Variants in AK4 observed in about 807,000 individuals in gnomAD.
The protein encoded by AK4 is adenylate kinase 4, also known as adenylate kinase 4, mitochondrial.
Under a neutral mutation model 24.6 loss-of-function variants are expected in AK4, and 13 were observed. The ratio of observed to expected loss-of-function variants is 0.53; its 90% CI spans 0.34 to 0.84. AK4 has a LOEUF of 0.84. AK4 is among the 40% of genes least tolerant of loss of function. AK4 has a pLI of 0.01. For missense variants in AK4, 192 were observed against 288.2 expected (o/e 0.67, Z 2.42); for synonymous variants, 88 against 107.0 (o/e 0.82, Z 1.10).
intron 4 of AK4, among the ~76,000 whole-genome samples, chr1:65,225,688 T>C (rs1307223476): frequency 6.6e-6 from 1 of 152,206 alleles, no homozygotes; most frequent in African/African-American, 2.4e-5. Flanking sequence ...GATCATATTA[T>C]TATGATACAT....
rs570313332 is a variant in AK4, at chr1:65,172,531, A to G, written c.146-18179A>G. On this transcript the variant is annotated intron_variant, in intron 1 of 4. Coordinates refer to ENST00000327299, the MANE Select transcript of AK4 (RefSeq NM_013410.4). ...TGTTTGGAATAGCAGTATGGAATCA[A>G]ATAAGATGCAGAGACTTGGGTATAG... Among the ~76,000 whole-genome samples the G allele has an allele frequency of 3.9e-5, 6 of 152,278 alleles. No homozygotes were observed. The East Asian group carries it at 1.2e-3, about 29-fold the overall frequency.
At chr1:65,197,634 T>G (rs542848818) in intron 2 of AK4, among the ~76,000 whole-genome samples, 1 of 152,232 alleles carries the variant, frequency 6.6e-6, no homozygotes, top group East Asian at 1.9e-4. Flanking sequence ...CCCTGAGAGC[T>G]AAATGATTTC....
Position 65,231,116 on chromosome 1 carries a change from A to G in AK4, c.*4939A>G, listed in dbSNP as rs1260461517. ...CTGGTAGTAAGTTATTTCTTTCCAC[A>G]TGTAACTGACCCAATCTGGTTTCCA... On this transcript the variant is annotated 3_prime_UTR_variant, in exon 5 of 5. Coordinates refer to ENST00000327299, the MANE Select transcript of AK4 (RefSeq NM_013410.4). The G allele has an allele frequency of 1.3e-5, 2 of 152,188 alleles. No homozygotes were observed. The allele number at this position is 152,188 out of a possible 1,614,324, so 9.4% of individuals were successfully genotyped here. A position where few individuals can be genotyped will look rare whatever the true frequency, so the allele number is the denominator to read the frequency against.
chr1:65,159,994 G>C (rs915542288), intron 1 of AK4, among the ~76,000 whole-genome samples: 4 of 145,640 alleles, frequency 2.7e-5, no homozygotes, highest in African/African-American at 1.0e-4. Context: ...AAAAAAAGTT[G>C]AGTGACAAAT....
At chr1:65,175,153 T>C (rs978697876) in intron 1 of AK4, among the ~76,000 whole-genome samples, 1 of 152,228 alleles carries the variant, frequency 6.6e-6, no homozygotes, top group African/African-American at 2.4e-5. Flanking sequence ...ACTGGTATCG[T>C]TGTTCTTGCT....
At chr1:65,152,593 G>A (rs545021814) in intron 1 of AK4, among the ~76,000 whole-genome samples, 3 of 150,978 alleles carry the variant, frequency 2.0e-5, no homozygotes, top group East Asian at 3.9e-4. Flanking sequence ...GTGGAGATGG[G>A]GTTTCACCAT....
At chr1:65,205,760 T>C (rs1279441946) in intron 2 of AK4, among the ~76,000 whole-genome samples, 1 of 152,234 alleles carries the variant, frequency 6.6e-6, no homozygotes, top group Non-Finnish European at 1.5e-5. Context: ...TCAATAATAC[T>C]AGTTATATTG....
At position 65,148,376 on chromosome 1, in the gene AK4, C is replaced by G. The variant is rs61781805; in HGVS notation, c.-32C>G. On this transcript the variant is annotated 5_prime_UTR_variant, in exon 1 of 5. Transcript: ENST00000327299. ...TCCTCCGGGGCCGCGGTCGGGGCTG[C>G]GCGTTTGACCGCCCCCCTCCTCGCG... 2.8e-3 allele frequency: 4,269 copies of G among 1,519,244 alleles called. 5 individuals are homozygous for G. The highest frequency in any genetic ancestry group is 3.4e-3 in the Non-Finnish European group (3,892 of 1,134,130). The allele number at this position is 1,519,244 out of a possible 1,614,324, so 94.1% of individuals were successfully genotyped here. A position where few individuals can be genotyped will look rare whatever the true frequency, so the allele number is the denominator to read the frequency against.
At chr1:65,197,919 C>G (rs1360317499) in intron 2 of AK4, among the ~76,000 whole-genome samples, 1 of 152,046 alleles carries the variant, frequency 6.6e-6, no homozygotes, top group Non-Finnish European at 1.5e-5. Flanking sequence ...TTAGGAAATG[C>G]CAAGGGTAAT....
chr1:65,219,017 T>A, intron 3 of AK4, 91 bp downstream of exon 3: 1 of 966,184 alleles, frequency 1.0e-6, no homozygotes, highest in South Asian at 3.2e-5. Context: ...AGTAGACCAT[T>A]CAAAAAAGAA....
chr1:65,219,275 CT>C (rs897290720), intron 3 of AK4, among the ~76,000 whole-genome samples: 6 of 151,718 alleles, frequency 4.0e-5, no homozygotes, highest in African/African-American at 1.5e-4. Flanking sequence ...ATAATACTCC[CT>C]TTTTTTGTTA....
chr1:65,197,129 G>A (rs2101050279), intron 2 of AK4, among the ~76,000 whole-genome samples: 1 of 152,304 alleles, frequency 6.6e-6, no homozygotes, highest in East Asian at 1.9e-4. Flanking sequence ...ACAGTTCAAA[G>A]ATGAGACTTG....
At chr1:65,182,304 G>A (rs1216691410) in intron 1 of AK4, among the ~76,000 whole-genome samples, 3 of 152,234 alleles carry the variant, frequency 2.0e-5, no homozygotes, top group African/African-American at 7.2e-5. Flanking sequence ...GAGAAGTGGT[G>A]TGTTCAGAGA....
chr1:65,152,940 A>G (rs184017652), intron 1 of AK4, among the ~76,000 whole-genome samples: 26 of 152,352 alleles, frequency 1.7e-4, no homozygotes, highest in Non-Finnish European at 1.0e-4. Context: ...CAATGTATCT[A>G]AAACAGGTTT....
chr1:65,197,860 G>A (rs370476844), intron 2 of AK4, among the ~76,000 whole-genome samples: 1 of 152,100 alleles, frequency 6.6e-6, no homozygotes, highest in African/African-American at 2.4e-5. Flanking sequence ...CCCACTGGGC[G>A]ACATATGTCT....
rs1652462807 is a variant in AK4, at chr1:65,226,380, A to G, written c.*203A>G. The G allele has an allele frequency of 2.7e-6, 2 of 752,250 alleles. No homozygotes were observed. Among genetic ancestry groups the G allele is most frequent in the African/African-American group, 1.8e-5 (1 of 56,440 alleles). 46.6% of individuals were successfully genotyped at this position (752,250 alleles called of 1,614,324 possible). A position where few individuals can be genotyped will look rare whatever the true frequency, so the allele number is the denominator to read the frequency against. ...GCCTTTCAAAAGGCTGGTCACCTACACATGTTTAAGGTGTCTCTGCACATG... is the reference window on the plus strand; with the variant it reads ...GCCTTTCAAAAGGCTGGTCACCTACGCATGTTTAAGGTGTCTCTGCACATG... On this transcript the variant is annotated 3_prime_UTR_variant, in exon 5 of 5. Coordinates refer to ENST00000327299, the MANE Select transcript of AK4 (RefSeq NM_013410.4).
intron 2 of AK4, among the ~76,000 whole-genome samples, chr1:65,200,529 G>A (rs1483742708): frequency 5.3e-5 from 8 of 152,182 alleles, no homozygotes; most frequent in Non-Finnish European, 5.9e-5. Context: ...TGAAATTTTA[G>A]CACACTGCCA....
intron 2 of AK4, among the ~76,000 whole-genome samples, chr1:65,211,817 G>A (rs1165011126): frequency 2.0e-5 from 3 of 152,152 alleles, no homozygotes; most frequent in Admixed American, 2.0e-4. Context: ...AAAAAATAAG[G>A]TAAATCATAT....
At position 65,220,147 on chromosome 1, in the gene AK4, T is replaced by C. The variant is rs536273944; in HGVS notation, c.438+1221T>C. Among the ~76,000 whole-genome samples the C allele has an allele frequency of 2.6e-5, 4 of 152,342 alleles. No homozygotes were observed. The South Asian group carries it at 8.3e-4, about 32-fold the overall frequency. ...CACAGTTTATTCGTTTTGAAGAACA[T>C]CTTGGTTCCATGTCTTGGCATTTAT... is the stretch of plus-strand genomic sequence containing the variant. On this transcript the variant is annotated intron_variant, in intron 3 of 4. Transcript: ENST00000327299.
Sources: allele counts gnomAD v4.1 joint callset (sites outside exome capture counted in the v4.1 genomes callset), GRCh38; gene constraint gnomAD v4.1.1; transcripts MANE v1.5; gene names NCBI Gene and HGNC (gene_info 2026-07-23, HGNC 2026-07-21).